Variants in CBL observed in about 807,000 individuals in gnomAD.
CBL encodes Cbl proto-oncogene, also known as E3 ubiquitin-protein ligase CBL.
In CBL, 45 loss-of-function variants were observed where a neutral mutation model predicts 96.9. The ratio of observed to expected loss-of-function variants is 0.46; its 90% CI spans 0.37 to 0.60. The LOEUF (loss-of-function observed/expected upper bound fraction) is 0.60, where lower values mean the gene tolerates loss of function less well. CBL is among the 20% of genes least tolerant of loss of function. CBL has a pLI of 0.00. For synonymous variants in CBL, 420 were observed against 426.8 expected (o/e 0.98, Z 0.20); for missense variants, 1,024 against 1,143.5 (o/e 0.90, Z 1.51).
At chr11:119,226,658 A>G (rs552286384) in intron 1 of CBL, among the ~76,000 whole-genome samples, 12 of 152,046 alleles carry the variant, frequency 7.9e-5, no homozygotes, top group Non-Finnish European at 1.5e-4. Flanking sequence ...GAATTTCACC[A>G]TGTTGGCCAG....
chr11:119,304,851 C>A lies in CBL; in HGVS notation c.*5070C>A, dbSNP rs1165400160. 2.1e-5 allele frequency: 4 copies of A among 188,642 alleles called. No individual in the cohort carries two copies. The highest frequency in any genetic ancestry group is 4.5e-5 in the Non-Finnish European group (4 of 89,650). The allele number at this position is 188,642 out of a possible 1,614,324, so 11.7% of individuals were successfully genotyped here. Reference sequence around the variant, plus strand: ...GTCTTGGCTAGGCTGGTCTTGAACTCCTGACCCTCATGATCCACCCACCTC... The same window carrying A: ...GTCTTGGCTAGGCTGGTCTTGAACTACTGACCCTCATGATCCACCCACCTC... On this transcript the variant is annotated 3_prime_UTR_variant, in exon 16 of 16. Transcript: ENST00000264033.
chr11:119,233,552 A>G (rs1329872927), intron 2 of CBL, among the ~76,000 whole-genome samples: 2 of 152,234 alleles, frequency 1.3e-5, no homozygotes, highest in East Asian at 1.9e-4. Flanking sequence ...TGTTAATTAA[A>G]TACCAGAAAC....
chr11:119,300,441 A>G lies in CBL; in HGVS notation c.*660A>G, dbSNP rs1019106598. On this transcript the variant is annotated 3_prime_UTR_variant, in exon 16 of 16. Coordinates refer to ENST00000264033, the MANE Select transcript of CBL (RefSeq NM_005188.4). ...CCTTCTTGGTGTTCTGTCATGGGCC[A>G]TGGGCTTGCTATGGCCAGCCTTACT... is the stretch of plus-strand genomic sequence containing the variant. The G allele has an allele frequency of 2.5e-6, 1 of 403,438 alleles. No individual in the cohort carries two copies. The highest frequency in any genetic ancestry group is 4.4e-6 in the Non-Finnish European group (1 of 228,664). 25.0% of individuals were successfully genotyped at this position (403,438 alleles called of 1,614,324 possible).
At chr11:119,254,653 A>T (rs1173877959) in intron 2 of CBL, among the ~76,000 whole-genome samples, 2 of 151,956 alleles carry the variant, frequency 1.3e-5, no homozygotes, top group Admixed American at 6.6e-5. Flanking sequence ...CCAGGCTGGA[A>T]TGCAGTGGTG....
intron 2 of CBL, among the ~76,000 whole-genome samples, chr11:119,240,876 C>T (rs1277379482): frequency 6.6e-6 from 1 of 151,994 alleles, no homozygotes; most frequent in African/African-American, 2.4e-5. Context: ...AGTTCAAGAC[C>T]AGCCTGGCTA....
intron 2 of CBL, among the ~76,000 whole-genome samples, chr11:119,270,361 C>G (rs368947147): frequency 1.4e-4 from 20 of 141,802 alleles, no homozygotes; most frequent in African/African-American, 5.0e-4. Context: ...TCTCCTGCCT[C>G]AGCTCTCCCA....
intron 2 of CBL, among the ~76,000 whole-genome samples, chr11:119,236,390 C>T (rs1949546409): frequency 6.6e-6 from 1 of 151,818 alleles, no homozygotes; most frequent in African/African-American, 2.4e-5. Context: ...TACAATTCAC[C>T]CATATTGTAG....
rs1950091851 is a variant in CBL, at chr11:119,300,163, T to A, written c.*382T>A. On this transcript the variant is annotated 3_prime_UTR_variant, in exon 16 of 16. Transcript: ENST00000264033. ...GTGGCCGTGTGTGTGTGTGTCTGCC[T>A]GTGGTTGTATGTGTCCTTGTGATTA... 3.9e-6 allele frequency: 2 copies of A among 512,554 alleles called. No individual in the cohort carries two copies. Among genetic ancestry groups the A allele is most frequent in the Non-Finnish European group, 6.9e-6 (2 of 291,016 alleles). 31.8% of individuals were successfully genotyped at this position (512,554 alleles called of 1,614,324 possible). A position where few individuals can be genotyped will look rare whatever the true frequency, so the allele number is the denominator to read the frequency against.
chr11:119,284,941 A>C (rs1949968744), intron 9 of CBL, 28 bp from the exon 10 acceptor site: 1 of 1,613,328 alleles, frequency 6.2e-7, no homozygotes, highest in South Asian at 1.1e-5. Context: ...AAACGAAAGT[A>C]ATCTGTTAAA....
At chr11:119,258,563 T>A (rs1215444179) in intron 2 of CBL, among the ~76,000 whole-genome samples, 3 of 152,156 alleles carry the variant, frequency 2.0e-5, no homozygotes, top group Non-Finnish European at 4.4e-5. Context: ...AGGCGCCATC[T>A]CCAGCACTGG....
At position 119,296,922 on chromosome 11, in the gene CBL, C is replaced by T; in HGVS notation, c.2041C>T (p.Leu681Phe). The T allele has an allele frequency of 6.5e-7, 1 of 1,546,434 alleles. No homozygotes were observed. The highest frequency in any genetic ancestry group is 8.9e-7 in the Non-Finnish European group (1 of 1,118,358). The part of the protein sequence containing the change: ...NAIYSLAARP[L>F]PVPKLPPGEQ... ...TTTTTATTCTTCATCTTCCAGACCT[C>T]TTCCTGTGCCAAAACTGCCACCTGG... The change falls in exon 13 of 16, where the codon CTT becomes TTT. Residue 681 changes from leucine to phenylalanine, a missense_variant. Leu to Phe is a conservative substitution (Grantham distance 22, BLOSUM62 0). Coordinates refer to ENST00000264033, the MANE Select transcript of CBL (RefSeq NM_005188.4).
rs1949850430 is a variant in CBL at position 119,271,725 on chromosome 11, T to TC, written c.444-9dup. Reference sequence around the variant, plus strand: ...TATGTGTTTAATTATTGCATTCTGATCATTTGTAGGCGAAACCTAACCAAA... The same window carrying TC: ...TATGTGTTTAATTATTGCATTCTGATCCATTTGTAGGCGAAACCTAACCAAA... On this transcript the variant is annotated splice_polypyrimidine_tract_variant and intron_variant, in intron 2 of 15. Coordinates refer to ENST00000264033, the MANE Select transcript of CBL (RefSeq NM_005188.4). 3.7e-6 allele frequency: 6 copies of TC among 1,612,556 alleles called. No homozygotes were observed. In the African/African-American group the frequency reaches 6.7e-5, roughly 18 times the overall value.
chr11:119,206,634 C>G lies in CBL; in HGVS notation c.195+22C>G, dbSNP rs371907332. ...CAAGGTGAAAGGCCGGCTGAGCGCC[C>G]GCTGTTGCAGGGTGGGCGTGGGCGG... On this transcript the variant is annotated intron_variant, in intron 1 of 15. Transcript: ENST00000264033. The G allele has an allele frequency of 2.6e-6, 4 of 1,542,988 alleles. No individual in the cohort carries two copies. The South Asian group carries it at 3.6e-5, about 14-fold the overall frequency.
chr11:119,284,870 A>T, intron 9 of CBL, 99 bp from the exon 10 acceptor site: 3 of 1,434,810 alleles, frequency 2.1e-6, no homozygotes, highest in Non-Finnish European at 2.9e-6. Flanking sequence ...TTTGTAGTTT[A>T]AGTGTTCCCA....
chr11:119,217,754 A>G (rs1230563787), intron 1 of CBL, among the ~76,000 whole-genome samples: 1 of 152,064 alleles, frequency 6.6e-6, no homozygotes, highest in Admixed American at 6.6e-5. Context: ...TTCTTCAACT[A>G]TGAAGGTAAT....
intron 2 of CBL, among the ~76,000 whole-genome samples, chr11:119,264,516 CTGTT>C (rs1334508950): frequency 1.3e-5 from 2 of 150,118 alleles, no homozygotes; most frequent in Non-Finnish European, 3.0e-5. Flanking sequence ...GGGTCTGTCT[CTGTT>C]TGCCCAGGCT....
Position 119,234,959 on chromosome 11 carries a change from G to A in CBL, c.443+2264G>A, listed in dbSNP as rs75460437. Among the ~76,000 whole-genome samples the A allele has an allele frequency of 2.1e-4, 32 of 152,294 alleles. No individual in the cohort carries two copies. The East Asian group carries it at 6.0e-3, about 28-fold the overall frequency. ...GGAGGCTCTGGTATGTTTAAAATGA[G>A]AAGTTTGGTTTGGTTAGAATTGTGG... On this transcript the variant is annotated intron_variant, in intron 2 of 15. Coordinates refer to ENST00000264033, the MANE Select transcript of CBL (RefSeq NM_005188.4).
intron 1 of CBL, among the ~76,000 whole-genome samples, chr11:119,226,469 A>G (rs1949459413): frequency 6.6e-6 from 1 of 152,136 alleles, no homozygotes; most frequent in Non-Finnish European, 1.5e-5. Flanking sequence ...AATTTACTCA[A>G]CTTAAATGAC....
At chr11:119,215,174 G>A (rs544216417) in intron 1 of CBL, among the ~76,000 whole-genome samples, 1 of 152,114 alleles carries the variant, frequency 6.6e-6, no homozygotes, top group East Asian at 1.9e-4. Flanking sequence ...TCTCCGTTTT[G>A]TGAGTTTGGT....
Sources: allele counts gnomAD v4.1 joint callset (sites outside exome capture counted in the v4.1 genomes callset), GRCh38; gene constraint gnomAD v4.1.1; transcripts MANE v1.5; gene names NCBI Gene and HGNC (gene_info 2026-07-23, HGNC 2026-07-21).